Variants in PPP2R2D observed in about 807,000 individuals in gnomAD.
PPP2R2D encodes the protein serine/threonine-protein phosphatase 2A 55 kDa regulatory subunit B delta isoform.
A neutral mutation model predicts 31.1 loss-of-function variants in PPP2R2D; 9 were observed. The ratio of observed to expected loss-of-function variants is 0.29; its 90% CI spans 0.17 to 0.51. The LOEUF (loss-of-function observed/expected upper bound fraction) is 0.51. Among genes scored for constraint, PPP2R2D ranks in the 20% least tolerant of loss-of-function variants. PPP2R2D has a pLI of 0.98. For synonymous variants in PPP2R2D, 179 were observed against 172.6 expected (o/e 1.04, Z -0.29); for missense variants, 391 against 465.6 (o/e 0.84, Z 1.48).
intron 5 of PPP2R2D, among the ~76,000 whole-genome samples, chr10:131,941,348 C>T (rs1011685864): frequency 1.2e-4 from 18 of 152,212 alleles, no homozygotes; most frequent in East Asian, 3.9e-4. Context: ...CCTGGTGCTA[C>T]GCACCACTGA....
chr10:131,919,671 TCA>T lies in PPP2R2D; in HGVS notation c.101-14785_101-14784del, dbSNP rs1247062083. Among the ~76,000 whole-genome samples the T allele has an allele frequency of 2.4e-5, 3 of 126,156 alleles. 1 individual carries two copies. Among genetic ancestry groups the T allele is most frequent in the Non-Finnish European group, 3.3e-5 (2 of 60,608 alleles). 82.8% of individuals were successfully genotyped at this position (126,156 alleles called of 152,430 possible). ...GGTAGGATGACACAGTGTAGGGACC[TCA>T]CGCGGGTGGAATGACAGTGTTTATA... On this transcript the variant is annotated intron_variant, in intron 2 of 8. Coordinates refer to ENST00000455566, the MANE Select transcript of PPP2R2D (RefSeq NM_018461.5).
At chr10:131,923,272 C>T (rs571481106) in intron 2 of PPP2R2D, among the ~76,000 whole-genome samples, 52 of 152,324 alleles carry the variant, frequency 3.4e-4, no homozygotes, top group East Asian at 1.9e-3. Context: ...TTCTCCCCAG[C>T]GTGATGCCGG....
chr10:131,952,215 G>A (rs191442209), intron 8 of PPP2R2D, among the ~76,000 whole-genome samples: 40 of 43,988 alleles, frequency 9.1e-4, no homozygotes, highest in African/African-American at 2.9e-3. Context: ...GCGGGTGTGC[G>A]GGGGGGTTCA....
At chr10:131,929,686 G>A (rs1305466557) in intron 2 of PPP2R2D, among the ~76,000 whole-genome samples, 3 of 152,034 alleles carry the variant, frequency 2.0e-5, no homozygotes, top group South Asian at 2.1e-4. Flanking sequence ...AGCAGCTCCC[G>A]GCTGTGCTCC....
At chr10:131,928,224 G>A (rs560201796) in intron 2 of PPP2R2D, among the ~76,000 whole-genome samples, 2 of 152,264 alleles carry the variant, frequency 1.3e-5, no homozygotes, top group South Asian at 2.1e-4. Context: ...CCGGTAGGGC[G>A]CTAGTTTTCC....
intron 2 of PPP2R2D, among the ~76,000 whole-genome samples, chr10:131,903,391 C>T (rs1271612373): frequency 7.1e-6 from 1 of 140,630 alleles, no homozygotes; most frequent in African/African-American, 2.7e-5. Flanking sequence ...CACTTGAACC[C>T]GGGTGGTGGA....
chr10:131,960,477 A>T (rs182784072), downstream of PPP2R2D, among the ~76,000 whole-genome samples: 3 of 152,262 alleles, frequency 2.0e-5, no homozygotes, highest in Admixed American at 6.5e-5. Flanking sequence ...TCGTGGACAG[A>T]CTCAGTCTGA....
At chr10:131,926,701 T>G (rs943393838) in intron 2 of PPP2R2D, among the ~76,000 whole-genome samples, 1 of 152,208 alleles carries the variant, frequency 6.6e-6, no homozygotes, top group Non-Finnish European at 1.5e-5. Context: ...GAAGGAGTTG[T>G]GATTTCCAAA....
chr10:131,968,070 C>A, the PPP2R2D span: 1 of 155,166 alleles, frequency 6.4e-6, no homozygotes, highest in Admixed American at 6.3e-5. Flanking sequence ...ATACTTTCTA[C>A]AATAGTGTGA....
intron 3 of PPP2R2D, among the ~76,000 whole-genome samples, chr10:131,938,879 C>T (rs1026797727): frequency 6.6e-6 from 1 of 152,236 alleles, no homozygotes; most frequent in Non-Finnish European, 1.5e-5. Context: ...GCTCCTCAGG[C>T]CCGTGCTGGC....
At chr10:131,952,689 T>C (rs1297569490) in intron 8 of PPP2R2D, among the ~76,000 whole-genome samples, 3 of 39,384 alleles carry the variant, frequency 7.6e-5, no homozygotes, top group Admixed American at 3.6e-4. Flanking sequence ...TTCGGGTGTG[T>C]GGGGGTTCAC....
At chr10:131,951,589 G>A (rs1488041460) in intron 8 of PPP2R2D, among the ~76,000 whole-genome samples, 8 of 152,222 alleles carry the variant, frequency 5.3e-5, no homozygotes, top group African/African-American at 1.2e-4. Context: ...TTGGGAGGCT[G>A]AGGAGGGCGG....
At chr10:131,908,829 G>C (rs1258786806) in intron 2 of PPP2R2D, among the ~76,000 whole-genome samples, 1 of 152,218 alleles carries the variant, frequency 6.6e-6, no homozygotes, top group Non-Finnish European at 1.5e-5. Context: ...ACTTCAGGGA[G>C]CCAGTTTAAG....
rs183862954 is a variant in PPP2R2D at position 131,948,447 on chromosome 10, A to G, written c.1082+656A>G. Among the ~76,000 whole-genome samples the G allele has an allele frequency of 9.2e-4, 140 of 152,330 alleles. 1 individual carries two copies. Among genetic ancestry groups the G allele is most frequent in the Middle Eastern group, 6.8e-3 (2 of 294 alleles). ...AGAATTCAAGAGAACAGAGGAGTCT[A>G]TTGGCAATAAGTGATTGACTGGATA... On this transcript the variant is annotated intron_variant, in intron 8 of 8. Coordinates refer to ENST00000455566, the MANE Select transcript of PPP2R2D (RefSeq NM_018461.5).
chr10:131,953,647 G>A (rs1554899443), intron 8 of PPP2R2D, among the ~76,000 whole-genome samples: 1 of 126,060 alleles, frequency 7.9e-6, no homozygotes, highest in Admixed American at 9.3e-5. Flanking sequence ...GGGGTTCACT[G>A]TCTTAGTGAC....
chr10:131,961,347 A>G (rs1309875819), downstream of PPP2R2D, among the ~76,000 whole-genome samples: 2 of 151,992 alleles, frequency 1.3e-5, no homozygotes, highest in Admixed American at 1.3e-4. Context: ...TAAAGGCAGC[A>G]CCCCCAGCCC....
chr10:131,948,834 T>C (rs1170679158), intron 8 of PPP2R2D, among the ~76,000 whole-genome samples: 1 of 152,174 alleles, frequency 6.6e-6, no homozygotes, highest in East Asian at 1.9e-4. Flanking sequence ...GGTGTAGAGT[T>C]GGAACAGGGA....
At chr10:131,929,510 G>A (rs2036171336) in intron 2 of PPP2R2D, among the ~76,000 whole-genome samples, 1 of 152,144 alleles carries the variant, frequency 6.6e-6, no homozygotes, top group Non-Finnish European at 1.5e-5. Context: ...CATTTCTCAA[G>A]ACTCGTCACT....
At chr10:131,903,664 T>C (rs1294126387) in intron 2 of PPP2R2D, among the ~76,000 whole-genome samples, 2 of 152,190 alleles carry the variant, frequency 1.3e-5, no homozygotes, top group Non-Finnish European at 2.9e-5. Context: ...GGTTATTCTG[T>C]GTATTCAGAG....
Sources: gnomAD v4.1 joint callset for allele counts (sites outside exome capture counted in the v4.1 genomes callset) on GRCh38, gnomAD v4.1.1 for gene constraint, MANE v1.5 for transcripts, NCBI Gene and HGNC (gene_info 2026-07-23, HGNC 2026-07-21) for gene names.